Variants in TRPV5 observed in about 807,000 individuals in gnomAD.
TRPV5 encodes the protein calcium transport protein 2.
TRPV5 carries 66 observed loss-of-function variants against 74.1 expected under a neutral mutation model. That is an observed-to-expected ratio of 0.89 (90% CI 0.73 to 1.09). The LOEUF (loss-of-function observed/expected upper bound fraction) is 1.09, where lower values mean the gene tolerates loss of function less well. Ranked by LOEUF, TRPV5 falls within the 50% of genes least tolerant of loss-of-function variation. TRPV5 has a pLI of 0.00. For synonymous variants in TRPV5, 399 were observed against 360.7 expected (o/e 1.11, Z -1.20); for missense variants, 936 against 930.4 (o/e 1.01, Z -0.08).
At chr7:142,925,488 C>G in intron 8 of TRPV5, 41 bp downstream of exon 8, 3 of 1,607,828 alleles carry the variant, frequency 1.9e-6, no homozygotes, top group Non-Finnish European at 2.6e-6. Context: ...ACCATCACCC[C>G]TTGATGCAAT....
chr7:142,928,225 G>C lies in TRPV5; in HGVS notation c.772C>G (p.His258Asp), dbSNP rs146813276. 1 of 1,614,186 alleles carries C rather than the reference G, an allele frequency of 6.2e-7. No homozygotes were observed. The highest frequency in any genetic ancestry group is 8.5e-7 in the Non-Finnish European group (1 of 1,180,038). ...ATGTGCCTCCGCTTCTGCATCAGGTGCTGGAACATCTGAGAGACCACCAGG... is the reference window on the plus strand; with the variant it reads ...ATGTGCCTCCGCTTCTGCATCAGGTCCTGGAACATCTGAGAGACCACCAGG... ...GVEGNTVMFQHLMQKRRHIQW... is the reference protein window; with the variant it reads ...GVEGNTVMFQDLMQKRRHIQW... Residue 258 changes from histidine to aspartate, a missense_variant, in exon 7 of 15, where the codon CAC (histidine) becomes GAC (aspartate). Transcript: ENST00000265310.
At position 142,915,034 on chromosome 7, in the gene TRPV5, G is replaced by T; in HGVS notation, c.1299C>A (p.Ala433=). ...GPFHVIIITY[A]SLVLVTMVMR... ...TCACCATGGTCACCAGCACCAGGGA[G>T]GCATAGGTGATGCTGGGGGAGCAGA... Residue 433 remains alanine, a synonymous_variant, in exon 11 of 15, where the codon GCC becomes GCA. Coordinates refer to ENST00000265310, the MANE Select transcript of TRPV5 (RefSeq NM_019841.7). 6.2e-7 allele frequency: 1 copy of T among 1,613,964 alleles called. No homozygotes were observed. The highest frequency in any genetic ancestry group is 8.5e-7 in the Non-Finnish European group (1 of 1,179,940).
intron 4 of TRPV5, 58 bp downstream of exon 4, chr7:142,929,370 C>T: frequency 6.3e-7 from 1 of 1,591,886 alleles, no homozygotes; most frequent in Non-Finnish European, 8.6e-7. Flanking sequence ...GCCCTGGCCT[C>T]CCTCTGCCTT....
rs1415087442 is a variant in TRPV5 at position 142,908,553 on chromosome 7, G to A, written c.2151C>T (p.Asn717=). 6.2e-7 allele frequency: 1 copy of A among 1,614,120 alleles called. No individual in the cohort carries two copies. Among genetic ancestry groups the A allele is most frequent in the African/African-American group, 1.3e-5 (1 of 74,932 alleles). Residue 717 remains asparagine, a synonymous_variant, in exon 15 of 15, where the codon AAC becomes AAT. Coordinates refer to ENST00000265310, the MANE Select transcript of TRPV5 (RefSeq NM_019841.7). The part of the protein sequence containing the change: ...NTLGHLNLGL[N]LSEGDGEEVY... ...CCTCCTCTCCATCCCCCTCACTAAG[G>A]TTCAGTCCAAGATTCAAGTGCCCCA... is the stretch of plus-strand genomic sequence containing the variant.
At position 142,930,104 on chromosome 7, in the gene TRPV5, A is replaced by T; in HGVS notation, c.303T>A (p.Ala101=). 1 of 1,614,220 alleles carries T rather than the reference A, an allele frequency of 6.2e-7. No homozygotes were observed. The highest frequency in any genetic ancestry group is 8.5e-7 in the Non-Finnish European group (1 of 1,180,032). ...TGGGCTCAAAGACCAGCTCTGGGGCAGCCTCCATCAGCACCAAGGCCGCCT... is the reference window on the plus strand; with the variant it reads ...TGGGCTCAAAGACCAGCTCTGGGGCTGCCTCCATCAGCACCAAGGCCGCCT... ...NLEAALVLME[A]APELVFEPTT... The change falls in exon 3 of 15, where the codon GCT becomes GCA. Residue 101 remains alanine (A), a synonymous_variant. Transcript: ENST00000265310.
At chr7:142,930,499 C>A in intron 1 of TRPV5, 53 bp from the exon 2 acceptor site, 2 of 1,332,060 alleles carry the variant, frequency 1.5e-6, no homozygotes, top group Non-Finnish European at 2.2e-6. Context: ...AGAATGAGGC[C>A]AAGAGCAAAG....
rs1196094398 is a variant in TRPV5 at position 142,928,068 on chromosome 7, A to C, written c.909+20T>G. 1 of 1,613,988 alleles carries C rather than the reference A, an allele frequency of 6.2e-7. No individual in the cohort carries two copies. Among genetic ancestry groups the C allele is most frequent in the South Asian group, 1.1e-5 (1 of 91,076 alleles). ...TAAATTCCCTCACATGACAGGCCTG[A>C]TCCTCCTTGGCATCCATACCTCTCG... On this transcript the variant is annotated intron_variant, in intron 7 of 14. Coordinates refer to ENST00000265310, the MANE Select transcript of TRPV5 (RefSeq NM_019841.7).
chr7:142,914,907 C>G lies in TRPV5; in HGVS notation c.1426G>C (p.Gly476Arg). 1 of 1,614,060 alleles carries G rather than the reference C, an allele frequency of 6.2e-7. No homozygotes were observed. The highest frequency in any genetic ancestry group is 8.5e-7 in the Non-Finnish European group (1 of 1,180,012). ...MYFTRGFQML[G>R]PFTIMIQKMI... is the part of the protein sequence containing the mutation. ...TTCTGGATCATGATGGTGAAGGGAC[C>G]CAGCATCTGGAATCCTCGAGTGAAA... Residue 476 changes from glycine to arginine, a missense_variant, in exon 11 of 15, where the codon GGT (glycine) becomes CGT (arginine). Coordinates refer to ENST00000265310, the MANE Select transcript of TRPV5 (RefSeq NM_019841.7).
intron 7 of TRPV5, 24 bp from the exon 8 acceptor site, chr7:142,925,765 T>G (rs1052221640): frequency 3.1e-6 from 5 of 1,604,720 alleles, no homozygotes; most frequent in Non-Finnish European, 4.3e-6. Context: ...AGAGTGAAAC[T>G]TGGGGTGACC....
intron 8 of TRPV5, chr7:142,925,114 C>A (rs1207989422): frequency 5.9e-6 from 2 of 338,832 alleles, no homozygotes; most frequent in African/African-American, 2.1e-5. Context: ...GAAGAGGGTG[C>A]AGGCCAGCAG....
chr7:142,926,565 C>A (rs184364170), intron 7 of TRPV5, among the ~76,000 whole-genome samples: 18 of 152,136 alleles, frequency 1.2e-4, no homozygotes, highest in African/African-American at 3.6e-4. Flanking sequence ...GAAGGATCCC[C>A]AGCCAGAAAG....
At chr7:142,921,190 A>G (rs920281523) in intron 8 of TRPV5, among the ~76,000 whole-genome samples, 11 of 152,242 alleles carry the variant, frequency 7.2e-5, no homozygotes, top group African/African-American at 2.7e-4. Context: ...AGATGGAAAC[A>G]CAGTAGGGAT....
intron 13 of TRPV5, 146 bp from the exon 14 acceptor site, chr7:142,909,742 C>A (rs1795676066): frequency 1.3e-6 from 1 of 784,030 alleles, no homozygotes; most frequent in Non-Finnish European, 2.0e-6. Context: ...CTATTCACCC[C>A]ACAGCCTGTG....
At chr7:142,924,713 C>T (rs1007025719) in intron 8 of TRPV5, 7 of 152,068 alleles carry the variant, frequency 4.6e-5, no homozygotes, top group African/African-American at 1.7e-4. Context: ...CTGCTACATA[C>T]CTACATCACC....
At chr7:142,927,869 G>A (rs576117472) in intron 7 of TRPV5, among the ~76,000 whole-genome samples, 2 of 152,332 alleles carry the variant, frequency 1.3e-5, no homozygotes, top group Admixed American at 6.5e-5. Flanking sequence ...GATAGAAGGC[G>A]AAAGGTAGGC....
Position 142,925,559 on chromosome 7 carries a change from G to A in TRPV5, c.1092C>T (p.Asp364=), listed in dbSNP as rs1366508410. Reference sequence around the variant, plus strand: ...GTAGTTTTTGCTGGAGGATGGTGATGTCTCGAGAATGAGTGCGGTTGCCAC... The same window carrying A: ...GTAGTTTTTGCTGGAGGATGGTGATATCTCGAGAATGAGTGCGGTTGCCAC... The part of the protein sequence containing the change: ...FRGGNRTHSR[D]ITILQQKLLQ... Residue 364 remains aspartate (D), a synonymous_variant, in exon 8 of 15, where the codon GAC becomes GAT. Coordinates refer to ENST00000265310, the MANE Select transcript of TRPV5 (RefSeq NM_019841.7). The A allele has an allele frequency of 2.5e-6, 4 of 1,614,212 alleles. No individual in the cohort carries two copies. The highest frequency in any genetic ancestry group is 3.4e-6 in the Non-Finnish European group (4 of 1,180,046).
Position 142,914,964 on chromosome 7 carries a change from C to A in TRPV5, c.1369G>T (p.Ala457Ser). Residue 457 changes from alanine (A) to serine (S), a missense_variant, in exon 11 of 15, where the codon GCC (alanine) becomes TCC (serine). Coordinates refer to ENST00000265310, the MANE Select transcript of TRPV5 (RefSeq NM_019841.7). ...ACACTGCACCAGCCCAGCACCAGGG[C>A]AAAGGACATGGGCACCACCTCCCCA... is the stretch of plus-strand genomic sequence containing the variant. ...TNGEVVPMSF[A>S]LVLGWCSVMY... is the part of the protein sequence containing the mutation. 6.2e-7 allele frequency: 1 copy of A among 1,614,108 alleles called. No homozygotes were observed. The highest frequency in any genetic ancestry group is 8.5e-7 in the Non-Finnish European group (1 of 1,180,018).
chr7:142,931,134 T>C (rs986515752), intron 1 of TRPV5, among the ~76,000 whole-genome samples: 2 of 151,454 alleles, frequency 1.3e-5, no homozygotes, highest in African/African-American at 4.9e-5. Context: ...GCAATTCTTG[T>C]GCCTCAGTCT....
intron 8 of TRPV5, 26 bp from the exon 9 acceptor site, chr7:142,915,594 G>A: frequency 6.2e-7 from 1 of 1,602,522 alleles, no homozygotes; most frequent in Non-Finnish European, 8.5e-7. Flanking sequence ...CAGAAGAAGT[G>A]CTTTCTGATG....
Sources: gnomAD v4.1 joint callset for allele counts (sites outside exome capture counted in the v4.1 genomes callset) on GRCh38, gnomAD v4.1.1 for gene constraint, MANE v1.5 for transcripts, NCBI Gene and HGNC (gene_info 2026-07-23, HGNC 2026-07-21) for gene names.